The following RNF34 variants were observed in gnomAD, a reference collection of about 807,000 sequenced individuals.
The protein encoded by RNF34 is E3 ubiquitin-protein ligase RNF34.
In RNF34, 12 loss-of-function variants were observed where a neutral mutation model predicts 37.9. The observed-to-expected ratio is 0.32, with a 90% CI of 0.20 to 0.51. RNF34 has a LOEUF of 0.51. Ranked by LOEUF, RNF34 falls within the 20% of genes least tolerant of loss-of-function variation. The pLI, the probability that RNF34 is intolerant of heterozygous loss-of-function variation, is 0.97. For synonymous variants in RNF34, 155 were observed against 177.2 expected (o/e 0.87, Z 1.00); for missense variants, 362 against 472.7 (o/e 0.77, Z 2.17).
At chr12:121,400,425 C>T (rs1869863974) in intron 1 of RNF34, among the ~76,000 whole-genome samples, 1 of 152,220 alleles carries the variant, frequency 6.6e-6, no homozygotes, top group South Asian at 2.1e-4. Flanking sequence ...AGTGCCACCC[C>T]CGTCAGCGAC....
intron 1 of RNF34, among the ~76,000 whole-genome samples, chr12:121,401,013 G>T (rs964312810): frequency 1.3e-5 from 2 of 152,218 alleles, no homozygotes; most frequent in Middle Eastern, 6.8e-3. Flanking sequence ...AAACCAAGTG[G>T]GATGAGTCAT....
intron 1 of RNF34, among the ~76,000 whole-genome samples, chr12:121,405,486 CT>C (rs1240818530): frequency 4.8e-4 from 73 of 151,662 alleles, no homozygotes; most frequent in African/African-American, 1.6e-3. Context: ...TGTCTTCTTG[CT>C]TTTTTTTTCT....
intron 1 of RNF34, among the ~76,000 whole-genome samples, chr12:121,405,518 C>G (rs1870444922): frequency 1.3e-5 from 2 of 152,168 alleles, no homozygotes. Flanking sequence ...GGGTCTTGCT[C>G]TGTCACCTAG....
chr12:121,408,906 C>G (rs1229695658), intron 1 of RNF34, among the ~76,000 whole-genome samples: 1 of 151,756 alleles, frequency 6.6e-6, no homozygotes, highest in Admixed American at 6.6e-5. Flanking sequence ...GCAAAAGTTA[C>G]AGGCCAATCT....
At chr12:121,406,969 G>T (rs1342421868) in intron 1 of RNF34, among the ~76,000 whole-genome samples, 3 of 152,100 alleles carry the variant, frequency 2.0e-5, no homozygotes, top group African/African-American at 7.2e-5. Flanking sequence ...TGTTACATGG[G>T]TATATTGAGT....
At chr12:121,402,209 A>C (rs1319126875) in intron 1 of RNF34, among the ~76,000 whole-genome samples, 2 of 152,216 alleles carry the variant, frequency 1.3e-5, no homozygotes, top group Non-Finnish European at 2.9e-5. Flanking sequence ...AGGCCAAGGC[A>C]GATGGATCAC....
chr12:121,417,917 A>AG lies in RNF34; in HGVS notation c.633+11dup, dbSNP rs1239453086. On this transcript the variant is annotated splice_region_variant and intron_variant, in intron 3 of 5. Coordinates refer to ENST00000361234, the MANE Select transcript of RNF34 (RefSeq NM_025126.4). The surrounding 1 kb of genome is among the most constrained non-coding windows in gnomAD (Gnocchi z 5.0). ...GATCTGGAGTGCCGGCACAGGTACGAGGGGGTAACTAATTACACCCAGGGC... is the reference window on the plus strand; with the variant it reads ...GATCTGGAGTGCCGGCACAGGTACGAGGGGGGTAACTAATTACACCCAGGGC... 4.3e-6 allele frequency: 7 copies of AG among 1,611,434 alleles called. No individual in the cohort carries two copies. The highest frequency in any genetic ancestry group is 5.9e-6 in the Non-Finnish European group (7 of 1,178,946).
chr12:121,400,177 C>A lies in RNF34; in HGVS notation c.-36C>A. ...GAGGAGCTGCTATGGTGCTGAGTTT[C>A]CTGGTAGAGCCGGCCGAGCTGAGGC... On this transcript the variant is annotated 5_prime_UTR_variant, in exon 1 of 6. Transcript: ENST00000361234. 1.2e-6 allele frequency: 2 copies of A among 1,605,924 alleles called. No homozygotes were observed. Among genetic ancestry groups the A allele is most frequent in the Non-Finnish European group, 1.7e-6 (2 of 1,178,088 alleles).
At chr12:121,422,409 A>G (rs1872247277) in intron 5 of RNF34, among the ~76,000 whole-genome samples, 1 of 152,186 alleles carries the variant, frequency 6.6e-6, no homozygotes, top group African/African-American at 2.4e-5. Flanking sequence ...ACAGAAGGAG[A>G]GACCAAGGCC....
intron 3 of RNF34, chr12:121,418,177 CAGTT>C (rs1419764431): frequency 2.3e-6 from 1 of 430,456 alleles, no homozygotes; most frequent in Non-Finnish European, 4.2e-6. Flanking sequence ...CTGTCTTACA[CAGTT>C]AGACACTAAC....
chr12:121,405,506 C>A (rs75804679), intron 1 of RNF34, among the ~76,000 whole-genome samples: 3,926 of 152,168 alleles, frequency 0.026, 151 homozygotes, highest in East Asian at 0.082. Context: ...CTTTTTGAGA[C>A]AGGGTCTTGC....
chr12:121,415,022 G>A (rs1555281921), intron 1 of RNF34, among the ~76,000 whole-genome samples: 1 of 152,176 alleles, frequency 6.6e-6, no homozygotes, highest in African/African-American at 2.4e-5. Flanking sequence ...CTTGAGCCCG[G>A]GAGGCGGACG....
chr12:121,411,610 G>A (rs969654060), intron 1 of RNF34, among the ~76,000 whole-genome samples: 2 of 152,158 alleles, frequency 1.3e-5, no homozygotes, highest in African/African-American at 4.8e-5. Context: ...TCTTTACCAA[G>A]AAAACATATT....
intron 1 of RNF34, among the ~76,000 whole-genome samples, chr12:121,409,279 C>G (rs1280604347): frequency 1.3e-5 from 2 of 152,040 alleles, no homozygotes; most frequent in East Asian, 1.9e-4. Flanking sequence ...AACACTTGGC[C>G]AAAACTTAGC....
chr12:121,407,683 A>G (rs1555280849), intron 1 of RNF34, among the ~76,000 whole-genome samples: 1 of 152,250 alleles, frequency 6.6e-6, no homozygotes, highest in African/African-American at 2.4e-5. Context: ...AAATAAAGGA[A>G]TACAGGCTAA....
At chr12:121,414,922 C>G (rs1192760389) in intron 1 of RNF34, among the ~76,000 whole-genome samples, 1 of 152,198 alleles carries the variant, frequency 6.6e-6, no homozygotes, top group Non-Finnish European at 1.5e-5. Flanking sequence ...TGGTGAAACC[C>G]TGTGTCTACC....
chr12:121,420,356 G>T, intron 4 of RNF34, 22 bp downstream of exon 4: 2 of 1,555,386 alleles, frequency 1.3e-6, no homozygotes, highest in South Asian at 1.2e-5. Context: ...TATAAAATTT[G>T]GTTTCCCTGA....
chr12:121,408,596 G>C (rs1430469505), intron 1 of RNF34, among the ~76,000 whole-genome samples: 2 of 152,164 alleles, frequency 1.3e-5, no homozygotes, highest in African/African-American at 2.4e-5. Flanking sequence ...GAGGCATGCA[G>C]AATAAATTTC....
intron 1 of RNF34, among the ~76,000 whole-genome samples, chr12:121,414,195 A>C (rs1404964261): frequency 6.6e-6 from 1 of 152,258 alleles, no homozygotes; most frequent in Non-Finnish European, 1.5e-5. Context: ...TCAGATAATA[A>C]AATAAATGGA....
Sources: allele counts gnomAD v4.1 joint callset (sites outside exome capture counted in the v4.1 genomes callset), GRCh38; gene constraint gnomAD v4.1.1; non-coding constraint Gnocchi (gnomAD v3.1); transcripts MANE v1.5; gene names NCBI Gene and HGNC (gene_info 2026-07-23, HGNC 2026-07-21).